MNS1: variants seen among roughly 807,000 people sequenced by gnomAD.
The protein encoded by MNS1 is meiosis specific nuclear structural 1.
In MNS1, 63 loss-of-function variants were observed where a neutral mutation model predicts 72.0. That is an observed-to-expected ratio of 0.87 (90% CI 0.71 to 1.08). MNS1 has a LOEUF of 1.08. Among genes scored for constraint, MNS1 ranks in the 50% least tolerant of loss-of-function variants. The pLI, the probability that MNS1 is intolerant of heterozygous loss-of-function variation, is 0.00. For missense variants in MNS1, 604 were observed against 562.4 expected (o/e 1.07, Z -0.75); for synonymous variants, 188 against 172.1 (o/e 1.09, Z -0.72).
Position 56,428,886 on chromosome 15 carries a change from A to G in MNS1, c.*215T>C, listed in dbSNP as rs1041179365. The G allele has an allele frequency of 2.6e-5, 13 of 497,508 alleles. No homozygotes were observed. The Admixed American group carries it at 4.8e-4, about 18-fold the overall frequency. The allele number at this position is 497,508 out of a possible 1,614,324, so 30.8% of individuals were successfully genotyped here. On this transcript the variant is annotated 3_prime_UTR_variant, in exon 10 of 10. Coordinates refer to ENST00000260453, the MANE Select transcript of MNS1 (RefSeq NM_018365.4). ...TGCAAACAGTGCTCTGTAGTGTTGT[A>G]GAAATCGGATTTTGAAATTATCAGT...
intron 3 of MNS1, among the ~76,000 whole-genome samples, chr15:56,454,955 G>C (rs1426755473): frequency 6.6e-6 from 1 of 152,080 alleles, no homozygotes; most frequent in East Asian, 1.9e-4. Flanking sequence ...ACAGCTTGTA[G>C]AACGCTGTTG....
chr15:56,457,224 T>C (rs368732624), intron 2 of MNS1, among the ~76,000 whole-genome samples: 1 of 152,352 alleles, frequency 6.6e-6, no homozygotes, highest in East Asian at 1.9e-4. Context: ...GACTGATTGC[T>C]TCCCCAGGAT....
At position 56,460,009 on chromosome 15, in the gene MNS1, A is replaced by AAAAAAAAAAAAAATAT; in HGVS notation, c.226-3489_226-3488insATATTTTTTTTTTTTT. On this transcript the variant is annotated intron_variant, in intron 2 of 9. Coordinates refer to ENST00000260453, the MANE Select transcript of MNS1 (RefSeq NM_018365.4). ...CTGTCTCAAAAAAAAAAAAAAAAAA[A>AAAAAAAAAAAAAATAT]ATACATATATATATATATATATATA... 1.7e-3 allele frequency among the ~76,000 whole-genome samples: 45 copies of AAAAAAAAAAAAAATAT among 26,380 alleles called. 6 individuals are homozygous for AAAAAAAAAAAAAATAT. Among genetic ancestry groups the AAAAAAAAAAAAAATAT allele is most frequent in the East Asian group, 8.0e-3 (7 of 874 alleles). 17.3% of individuals were successfully genotyped at this position (26,380 alleles called of 152,430 possible). A position where few individuals can be genotyped will look rare whatever the true frequency, so the allele number is the denominator to read the frequency against.
intron 8 of MNS1, 86 bp downstream of exon 8, chr15:56,434,052 G>A (rs1195583585): frequency 1.4e-6 from 2 of 1,385,474 alleles, no homozygotes; most frequent in African/African-American, 2.9e-5. Context: ...GGCATATAAA[G>A]CTTCTCAGTA....
intron 7 of MNS1, among the ~76,000 whole-genome samples, chr15:56,436,380 C>T (rs1276858571): frequency 6.6e-6 from 1 of 152,116 alleles, no homozygotes; most frequent in Non-Finnish European, 1.5e-5. Flanking sequence ...GAAATGAAGG[C>T]AGAAATAAAG....
At chr15:56,449,770 CCAAT>C (rs2050935590) in intron 3 of MNS1, among the ~76,000 whole-genome samples, 1 of 152,098 alleles carries the variant, frequency 6.6e-6, no homozygotes, top group Non-Finnish European at 1.5e-5. Context: ...TCTTCTTGTG[CCAAT>C]CAGTTTGGTA....
chr15:56,456,416 T>A lies in MNS1; in HGVS notation c.331A>T (p.Arg111Trp). The A allele has an allele frequency of 6.2e-7, 1 of 1,609,594 alleles. No homozygotes were observed. The stretch of plus-strand genomic sequence containing the variant: ...TACCTGTTTTCTCTTACTTGTTGCC[T>A]CATCTTTTCGTCCTTTAGACTTTCA... The part of the protein sequence containing the change: ...KHESLKDEKM[R>W]QQVRENSIEL... Residue 111 changes from arginine to tryptophan, a missense_variant, in exon 3 of 10, where the codon AGG becomes TGG. Transcript: ENST00000260453.
At chr15:56,442,329 A>C (rs76676955) in intron 7 of MNS1, among the ~76,000 whole-genome samples, 2,705 of 152,304 alleles carry the variant, frequency 0.018, 95 homozygotes, top group African/African-American at 0.06. Context: ...GCGACTCCCC[A>C]AAAAATGAAA....
intron 9 of MNS1, chr15:56,429,676 A>AGTTCTTT: frequency 6.6e-6 from 1 of 152,390 alleles, no homozygotes; most frequent in Non-Finnish European, 1.5e-5. Context: ...AACCCTTTGG[A>AGTTCTTT]ATTCTTCACT....
intron 7 of MNS1, among the ~76,000 whole-genome samples, chr15:56,435,770 A>G (rs1596255419): frequency 6.6e-6 from 1 of 152,126 alleles, no homozygotes; most frequent in African/African-American, 2.4e-5. Context: ...ATTCTACACA[A>G]TCTCTTCCAG....
intron 3 of MNS1, among the ~76,000 whole-genome samples, chr15:56,448,715 T>C (rs2050925845): frequency 6.6e-6 from 1 of 152,096 alleles, no homozygotes; most frequent in African/African-American, 2.4e-5. Context: ...TATGCTTTTT[T>C]TGGTAGAATG....
intron 9 of MNS1, among the ~76,000 whole-genome samples, chr15:56,430,645 G>A (rs567144348): frequency 2.6e-5 from 4 of 152,298 alleles, no homozygotes; most frequent in African/African-American, 7.2e-5. Flanking sequence ...GTTCAACCAT[G>A]TGCCTATTAC....
chr15:56,443,076 C>T (rs2050846848), intron 7 of MNS1, among the ~76,000 whole-genome samples: 1 of 152,094 alleles, frequency 6.6e-6, no homozygotes, highest in African/African-American at 2.4e-5. Context: ...AATTGCTTGT[C>T]CTGAAGTTGA....
At chr15:56,431,588 A>G (rs2050597910) in intron 8 of MNS1, 90 bp from the exon 9 acceptor site, 1 of 1,284,490 alleles carries the variant, frequency 7.8e-7, no homozygotes, top group Non-Finnish European at 1.1e-6. Flanking sequence ...TGAATTAGAT[A>G]AAATTGATGA....
At chr15:56,447,261 T>C in intron 3 of MNS1, 1 of 182,020 alleles carries the variant, frequency 5.5e-6, no homozygotes, top group Non-Finnish European at 1.2e-5. Context: ...ATTTTGGTCA[T>C]CTTCTTAGAG....
chr15:56,448,136 G>A (rs2050921301), intron 3 of MNS1, among the ~76,000 whole-genome samples: 1 of 152,176 alleles, frequency 6.6e-6, no homozygotes, highest in Non-Finnish European at 1.5e-5. Flanking sequence ...TGTGGTCACA[G>A]GCTTTCATTT....
intron 9 of MNS1, chr15:56,430,157 T>C (rs183922419): frequency 3.9e-5 from 6 of 152,306 alleles, no homozygotes; most frequent in African/African-American, 1.4e-4. Context: ...AGCTGAAAGA[T>C]GGCGATCTTA....
intron 2 of MNS1, among the ~76,000 whole-genome samples, chr15:56,460,004 AAAAAAATAC>A (rs1567154749): frequency 3.5e-5 from 2 of 57,332 alleles, no homozygotes; most frequent in African/African-American, 1.3e-4. Flanking sequence ...AAAAAAAAAA[AAAAAAATAC>A]ATATATATAT....
intron 7 of MNS1, among the ~76,000 whole-genome samples, chr15:56,441,096 A>T (rs2050808023): frequency 6.6e-6 from 1 of 152,132 alleles, no homozygotes. Context: ...TGAATCATTT[A>T]GTTTGAAATA....
Sources: allele counts gnomAD v4.1 joint callset (sites outside exome capture counted in the v4.1 genomes callset), GRCh38; gene constraint gnomAD v4.1.1; transcripts MANE v1.5; gene names NCBI Gene and HGNC (gene_info 2026-07-23, HGNC 2026-07-21).